TMEM41A: variants seen among roughly 807,000 people sequenced by gnomAD.
TMEM41A encodes the protein transmembrane protein 41A.
Under a neutral mutation model 25.7 loss-of-function variants are expected in TMEM41A, and 20 were observed. That is an observed-to-expected ratio of 0.78 (90% CI 0.55 to 1.13). The LOEUF (loss-of-function observed/expected upper bound fraction) is 1.13, where lower values mean the gene tolerates loss of function less well. TMEM41A is among the 50% of genes most tolerant of loss of function. The pLI is 0.00. For synonymous variants in TMEM41A, 133 were observed against 139.6 expected (o/e 0.95, Z 0.33); for missense variants, 299 against 314.3 (o/e 0.95, Z 0.37).
rs1315605725 is a variant in TMEM41A at position 185,489,603 on chromosome 3, A to G, written c.*1934T>C. ...CATGTTCAAACAAGCACCACACAGAACACTTACATCCATTTATTTGGGAAA... is the reference window on the plus strand; with the variant it reads ...CATGTTCAAACAAGCACCACACAGAGCACTTACATCCATTTATTTGGGAAA... On this transcript the variant is annotated 3_prime_UTR_variant, in exon 5 of 5. Transcript: ENST00000421852. 2 of 152,220 alleles carry G rather than the reference A, an allele frequency of 1.3e-5. No individual in the cohort carries two copies. The highest frequency in any genetic ancestry group is 2.9e-5 in the Non-Finnish European group (2 of 68,060). The allele number at this position is 152,220 out of a possible 1,614,324, so 9.4% of individuals were successfully genotyped here. A position where few individuals can be genotyped will look rare whatever the true frequency, so the allele number is the denominator to read the frequency against.
chr3:185,498,975 C>G lies in TMEM41A; in HGVS notation c.-14G>C. On this transcript the variant is annotated 5_prime_UTR_variant, in exon 1 of 5. Coordinates refer to ENST00000421852, the MANE Select transcript of TMEM41A (RefSeq NM_080652.4). ...AAGCGGGCGCATGTCGGCTCCGCAC[C>G]CCGGCCCGCGGGGCAGCCGAGAAGC... 1 of 1,589,198 alleles carries G rather than the reference C, an allele frequency of 6.3e-7. No homozygotes were observed. The highest frequency in any genetic ancestry group is 1.3e-5 in the African/African-American group (1 of 74,258).
intron 2 of TMEM41A, chr3:185,496,535 T>G: frequency 2.3e-6 from 1 of 427,116 alleles, no homozygotes; most frequent in Non-Finnish European, 4.4e-6. Context: ...CTCTTGGACA[T>G]GTTTGCTTTT....
intron 4 of TMEM41A, chr3:185,493,234 G>A (rs1719007987): frequency 1.3e-5 from 2 of 152,202 alleles, no homozygotes; most frequent in East Asian, 1.9e-4. Context: ...CATACTTCAA[G>A]AAACACTGCT....
At chr3:185,495,001 C>T in intron 3 of TMEM41A, 153 bp downstream of exon 3, 1 of 1,026,548 alleles carries the variant, frequency 9.7e-7, no homozygotes, top group Non-Finnish European at 1.4e-6. Context: ...GATCCCAGGT[C>T]TATGTCTCCT....
At chr3:185,498,017 G>A (rs549925813) in intron 1 of TMEM41A, among the ~76,000 whole-genome samples, 25 of 152,188 alleles carry the variant, frequency 1.6e-4, no homozygotes, top group Non-Finnish European at 3.2e-4. Flanking sequence ...AACACTTTGG[G>A]AGGCTGAGGC....
chr3:185,492,459 CAAAGT>C (rs1353362922), intron 4 of TMEM41A: 1 of 152,078 alleles, frequency 6.6e-6, no homozygotes, highest in African/African-American at 2.4e-5. Context: ...ACCCAACAGC[CAAAGT>C]AAAGAGAGAA....
intron 2 of TMEM41A, 129 bp from the exon 3 acceptor site, chr3:185,495,444 T>C: frequency 1.2e-6 from 1 of 827,286 alleles, no homozygotes; most frequent in Non-Finnish European, 1.9e-6. Flanking sequence ...AATTGCGTTA[T>C]TTATTTATTT....
chr3:185,497,481 T>G (rs1389226179), intron 1 of TMEM41A, among the ~76,000 whole-genome samples: 2 of 152,234 alleles, frequency 1.3e-5, no homozygotes, highest in Admixed American at 6.5e-5. Context: ...GCATTCACTA[T>G]AAAGCCAATT....
chr3:185,497,522 A>G (rs1719138471), intron 1 of TMEM41A, among the ~76,000 whole-genome samples: 1 of 152,258 alleles, frequency 6.6e-6, no homozygotes, highest in African/African-American at 2.4e-5. Flanking sequence ...TATCTATCCC[A>G]TAGGATAAAT....
rs902653665 is a variant in TMEM41A, at chr3:185,491,496, A to G, written c.*41T>C. ...AGAGGACCACATCCATTACACAAAT[A>G]AGCAACTGAGTCCAGGGATGTGGCA... On this transcript the variant is annotated 3_prime_UTR_variant, in exon 5 of 5. Transcript: ENST00000421852. 3.3e-6 allele frequency: 5 copies of G among 1,535,888 alleles called. No individual in the cohort carries two copies. The highest frequency in any genetic ancestry group is 4.5e-6 in the Non-Finnish European group (5 of 1,113,664).
intron 2 of TMEM41A, 119 bp downstream of exon 2, chr3:185,496,709 C>T (rs556752703): frequency 1.7e-5 from 22 of 1,316,414 alleles, no homozygotes; most frequent in Admixed American, 4.0e-5. Flanking sequence ...TGTGTGCCAG[C>T]CCCGATACAC....
At position 185,491,551 on chromosome 3, in the gene TMEM41A, T is replaced by C. The variant is rs1210531814; in HGVS notation, c.781A>G (p.Arg261Gly). 10 of 1,613,982 alleles carry C rather than the reference T, an allele frequency of 6.2e-6. No homozygotes were observed. The Admixed American group carries it at 6.7e-5, about 11-fold the overall frequency. Residue 261 changes from arginine to glycine, a missense_variant, in exon 5 of 5, where the codon AGA (arginine) becomes GGA (glycine). Physicochemically the swap from Arg to Gly is moderately radical, Grantham distance 125. Coordinates refer to ENST00000421852, the MANE Select transcript of TMEM41A (RefSeq NM_080652.4). ...ETSTANHIHS[R>G]KDT ...GAAAATCCAGATCATGTGTCTTTTC[T>C]ACTGTGTATATGATTAGCAGTACTT...
At chr3:185,495,511 G>C (rs539926322) in intron 2 of TMEM41A, 196 bp from the exon 3 acceptor site, 1 of 605,124 alleles carries the variant, frequency 1.7e-6, no homozygotes, top group East Asian at 2.8e-5. Context: ...CATGATCATA[G>C]CTCACTGCAT....
chr3:185,498,630 G>A, intron 1 of TMEM41A: 1 of 535,422 alleles, frequency 1.9e-6, no homozygotes, highest in Non-Finnish European at 3.3e-6. Flanking sequence ...ACAGGTCCCA[G>A]TCAGGCCCGG....
chr3:185,497,523 T>G (rs1285116591), intron 1 of TMEM41A, among the ~76,000 whole-genome samples: 1 of 152,236 alleles, frequency 6.6e-6, no homozygotes, highest in Non-Finnish European at 1.5e-5. Context: ...ATCTATCCCA[T>G]AGGATAAATG....
Position 185,498,952 on chromosome 3 carries a change from G to A in TMEM41A, c.10C>T (p.Leu4Phe). 1 of 1,600,232 alleles carries A rather than the reference G, an allele frequency of 6.2e-7. No individual in the cohort carries two copies. The highest frequency in any genetic ancestry group is 1.3e-5 in the African/African-American group (1 of 74,488). Reference protein sequence around the residue: MRPLLGLLLVFAGC... With the variant: MRPFLGLLLVFAGC... ...GCGAAGACCAGAAGGAGGCCGAGAA[G>A]CGGGCGCATGTCGGCTCCGCACCCC... The change falls in exon 1 of 5, where the codon CTT becomes TTT. Residue 4 changes from leucine (L) to phenylalanine (F), a missense_variant. Coordinates refer to ENST00000421852, the MANE Select transcript of TMEM41A (RefSeq NM_080652.4).
chr3:185,494,560 A>G, intron 4 of TMEM41A, 63 bp downstream of exon 4: 1 of 1,484,874 alleles, frequency 6.7e-7, no homozygotes, highest in South Asian at 1.5e-5. Flanking sequence ...GTGGCCAATA[A>G]CCCAGGGCAG....
intron 1 of TMEM41A, 104 bp from the exon 2 acceptor site, chr3:185,497,085 C>T: frequency 7.3e-7 from 1 of 1,373,484 alleles, no homozygotes; most frequent in African/African-American, 1.4e-5. Context: ...ATAAATATGC[C>T]CATCATCTGA....
At chr3:185,495,910 A>G (rs56409422) in intron 2 of TMEM41A, 266 of 153,148 alleles carry the variant, frequency 1.7e-3, no homozygotes, top group Non-Finnish European at 3.3e-3. Flanking sequence ...CTGGGGCTCC[A>G]AGAAAGTAGA....
Sources: gnomAD v4.1 joint callset for allele counts (sites outside exome capture counted in the v4.1 genomes callset) on GRCh38, gnomAD v4.1.1 for gene constraint, MANE v1.5 for transcripts, NCBI Gene and HGNC (gene_info 2026-07-23, HGNC 2026-07-21) for gene names.